Variants in CMIP observed in about 807,000 individuals in gnomAD.
CMIP encodes the protein C-Maf-inducing protein.
A neutral mutation model predicts 97.3 loss-of-function variants in CMIP; 13 were observed. That is an observed-to-expected ratio of 0.13 (90% CI 0.09 to 0.21). The LOEUF (loss-of-function observed/expected upper bound fraction) is 0.21, where lower values mean the gene tolerates loss of function less well. CMIP is among the 10% of genes least tolerant of loss of function. The pLI is 1.00. For missense variants in CMIP, 847 were observed against 1,024.9 expected, an observed-to-expected ratio of 0.83 and a Z score of 2.37; for synonymous variants, 538 against 436.3, an observed-to-expected ratio of 1.23 and a Z score of -2.91.
In CMIP at chr16:81,584,693, G is replaced by A. The variant is rs74350963; in HGVS notation, c.301-22874G>A. ...ATAAACATCAAACTAGCCCGGCGCC[G>A]TCCATCATCCGAATTATCAACACAT... On this transcript the variant is annotated intron_variant, in intron 1 of 20. Transcript: ENST00000537098. Among the ~76,000 whole-genome samples, 571 of 152,274 alleles carry A rather than the reference G, an allele frequency of 3.7e-3. 6 individuals carry two copies. The highest frequency in any genetic ancestry group is 0.012 in the African/African-American group (489 of 41,562).
chr16:81,697,090 C>A (rs907114782), intron 14 of CMIP: 2 of 216,770 alleles, frequency 9.2e-6, no homozygotes, highest in African/African-American at 2.3e-5. Context: ...TTGTTTAATC[C>A]TTACAAGGAG....
chr16:81,501,608 CTTTTTTTT>C (rs1046564135), intron 1 of CMIP, among the ~76,000 whole-genome samples: 11 of 129,326 alleles, frequency 8.5e-5, no homozygotes, highest in African/African-American at 3.1e-4. Flanking sequence ...GACTCTGGTT[CTTTTTTTT>C]TTTTTTTTTT....
At chr16:81,645,188 C>T (rs1258937368) in intron 3 of CMIP, among the ~76,000 whole-genome samples, 1 of 152,248 alleles carries the variant, frequency 6.6e-6, no homozygotes, top group African/African-American at 2.4e-5. Flanking sequence ...AGCTTCTGGA[C>T]TAGGCAGCTC....
At chr16:81,506,447 TA>T (rs2089710646) in intron 1 of CMIP, among the ~76,000 whole-genome samples, 1 of 152,224 alleles carries the variant, frequency 6.6e-6, no homozygotes. Context: ...CATTCTTCCT[TA>T]CATTGCAATT....
intron 3 of CMIP, among the ~76,000 whole-genome samples, chr16:81,638,501 C>G (rs779477130): frequency 6.6e-6 from 1 of 152,074 alleles, no homozygotes; most frequent in African/African-American, 2.4e-5. Flanking sequence ...CCCTGAGAAA[C>G]TGGTCGTATC....
At position 81,444,927 on chromosome 16, in the gene CMIP, C is replaced by T. The variant is rs1346792615; in HGVS notation, c.-315C>T. Among the ~76,000 whole-genome samples, 1 of 134,700 alleles carries T rather than the reference C, an allele frequency of 7.4e-6. No individual in the cohort carries two copies. Among genetic ancestry groups the T allele is most frequent in the Non-Finnish European group, 1.6e-5 (1 of 60,952 alleles). 88.4% of individuals were successfully genotyped at this position (134,700 alleles called of 152,430 possible). ...CCACCCCGGCGCCCGCCCTCCGCGC[C>T]TGGCCCCGGCCCGCCCTCGGCCTCC... On this transcript the variant is annotated 5_prime_UTR_variant, in exon 1 of 21. Transcript: ENST00000537098.
chr16:81,521,790 T>TCAAA (rs746619027), intron 1 of CMIP, among the ~76,000 whole-genome samples: 12 of 152,190 alleles, frequency 7.9e-5, no homozygotes, highest in Non-Finnish European at 1.8e-4. Context: ...AGTTGGGTTT[T>TCAAA]CAAACATAAG....
chr16:81,596,527 A>T (rs77238090), intron 1 of CMIP, among the ~76,000 whole-genome samples: 2 of 151,258 alleles, frequency 1.3e-5, no homozygotes, highest in Non-Finnish European at 2.9e-5. Context: ...AAAAAAAAAA[A>T]TTTCAATTGG....
At chr16:81,628,283 C>CAG (rs1382593810) in intron 3 of CMIP, among the ~76,000 whole-genome samples, 4 of 152,168 alleles carry the variant, frequency 2.6e-5, no homozygotes, top group Non-Finnish European at 5.9e-5. Context: ...GCCCCAGGCG[C>CAG]TTTCTCCACC....
intron 1 of CMIP, among the ~76,000 whole-genome samples, chr16:81,522,356 C>A (rs569268505): frequency 6.6e-6 from 1 of 152,312 alleles, no homozygotes; most frequent in Non-Finnish European, 1.5e-5. Context: ...ACACCCAGAG[C>A]TCCCTGAGGG....
chr16:81,532,295 A>T (rs1368266809), intron 1 of CMIP, among the ~76,000 whole-genome samples: 1 of 152,226 alleles, frequency 6.6e-6, no homozygotes, highest in Non-Finnish European at 1.5e-5. Flanking sequence ...TGTTAGGTAG[A>T]AGTGTGTGTG....
intron 1 of CMIP, among the ~76,000 whole-genome samples, chr16:81,574,857 G>A (rs1042725540): frequency 3.9e-5 from 6 of 152,190 alleles, no homozygotes; most frequent in Non-Finnish European, 8.8e-5. Context: ...GATCACGTGG[G>A]CAAGGACAGG....
At chr16:81,661,721 G>T (rs1055665538) in intron 6 of CMIP, among the ~76,000 whole-genome samples, 1 of 152,192 alleles carries the variant, frequency 6.6e-6, no homozygotes, top group Non-Finnish European at 1.5e-5. Context: ...GCTGTGGTGC[G>T]CTTGATTTCC....
chr16:81,540,100 A>G (rs1262337206), intron 1 of CMIP, among the ~76,000 whole-genome samples: 4 of 152,204 alleles, frequency 2.6e-5, no homozygotes, highest in Admixed American at 6.5e-5. Context: ...GTGTCACTTC[A>G]TTGTGAATTT....
intron 10 of CMIP, among the ~76,000 whole-genome samples, chr16:81,679,184 G>A (rs530881139): frequency 1.6e-4 from 24 of 152,286 alleles, no homozygotes; most frequent in Admixed American, 6.5e-5. Context: ...GACAGCACAC[G>A]TGGTCTGCCG....
intron 8 of CMIP, among the ~76,000 whole-genome samples, chr16:81,670,876 T>A (rs1167501209): frequency 2.0e-5 from 3 of 152,300 alleles, no homozygotes; most frequent in African/African-American, 7.2e-5. Context: ...TCACCCAGGC[T>A]GGAGTGCAGT....
At chr16:81,680,228 C>T (rs140920162) in intron 10 of CMIP, among the ~76,000 whole-genome samples, 7 of 152,326 alleles carry the variant, frequency 4.6e-5, no homozygotes, top group African/African-American at 1.7e-4. Context: ...GCCCCTGTGT[C>T]GTCACGCGCT....
At chr16:81,452,885 GTTTTTT>G (rs558606255) in intron 1 of CMIP, among the ~76,000 whole-genome samples, 3 of 129,240 alleles carry the variant, frequency 2.3e-5, no homozygotes, top group Non-Finnish European at 4.9e-5. Context: ...TTTTTGTTTT[GTTTTTT>G]TTTTTTTTTT....
intron 1 of CMIP, among the ~76,000 whole-genome samples, chr16:81,596,003 C>T (rs1174223246): frequency 6.6e-6 from 1 of 152,160 alleles, no homozygotes; most frequent in African/African-American, 2.4e-5. Context: ...GTGGTGTAAG[C>T]AGGTTTCACT....
Sources: gnomAD v4.1 joint callset for allele counts (sites outside exome capture counted in the v4.1 genomes callset) on GRCh38, gnomAD v4.1.1 for gene constraint, MANE v1.5 for transcripts, NCBI Gene and HGNC (gene_info 2026-07-23, HGNC 2026-07-21) for gene names.